AHR: variants seen among roughly 807,000 people sequenced by gnomAD.
AHR encodes AH-receptor.
A neutral mutation model predicts 86.8 loss-of-function variants in AHR; 40 were observed. The ratio of observed to expected loss-of-function variants is 0.46; its 90% CI spans 0.36 to 0.60. AHR has a LOEUF of 0.60. AHR is among the 20% of genes least tolerant of loss of function. The probability of loss-of-function intolerance (pLI) is 0.00; values close to 1 mark genes in which losing one functional copy is unlikely to be tolerated. For synonymous variants in AHR, 398 were observed against 354.9 expected, an observed-to-expected ratio of 1.12 and a Z score of -1.37; for missense variants, 1,001 against 1,011.6, an observed-to-expected ratio of 0.99 and a Z score of 0.14.
At chr7:17,324,375 C>T (rs373175540) in intron 3 of AHR, among the ~76,000 whole-genome samples, 3 of 152,046 alleles carry the variant, frequency 2.0e-5, no homozygotes, top group South Asian at 2.1e-4. Context: ...ATATTGCAAC[C>T]GACGGTTATC....
chr7:17,322,481 T>C lies in AHR; in HGVS notation c.254-20T>C, dbSNP rs1562478213. On this transcript the variant is annotated intron_variant, in intron 2 of 10. Transcript: ENST00000242057. ...CTCTTGCTTACTTTTAAAATCATTG[T>C]TTTTCCTTTTTTTCCATAGTTGCAT... 1 of 1,509,328 alleles carries C rather than the reference T, an allele frequency of 6.6e-7. No individual in the cohort carries two copies. Among genetic ancestry groups the C allele is most frequent in the African/African-American group, 1.4e-5 (1 of 72,206 alleles). The allele number at this position is 1,509,328 out of a possible 1,614,324, so 93.5% of individuals were successfully genotyped here.
At position 17,342,985 on chromosome 7, in the gene AHR, C is replaced by G. The variant is rs778254522; in HGVS notation, c.2468C>G (p.Thr823Ser). ...TTAAATAACATAAATAACACTCAGA[C>G]TACCACACATCTTCAGCCACTTCAT... ...AELNNINNTQ[T>S]TTHLQPLHHP... The change falls in exon 11 of 11, where the codon ACT (threonine) becomes AGT (serine). Residue 823 changes from threonine (T) to serine (S), a missense_variant. Transcript: ENST00000242057. 2 of 1,613,388 alleles carry G rather than the reference C, an allele frequency of 1.2e-6. No homozygotes were observed. Among genetic ancestry groups the G allele is most frequent in the East Asian group, 2.2e-5 (1 of 44,856 alleles).
At chr7:17,316,643 T>C (rs1466445099) in intron 2 of AHR, among the ~76,000 whole-genome samples, 2 of 152,128 alleles carry the variant, frequency 1.3e-5, no homozygotes, top group Non-Finnish European at 2.9e-5. Context: ...TCTGATGGGA[T>C]TGGTTGACAT....
At chr7:17,320,393 A>G (rs1487172395) in intron 2 of AHR, among the ~76,000 whole-genome samples, 2 of 152,042 alleles carry the variant, frequency 1.3e-5, no homozygotes, top group South Asian at 2.1e-4. Flanking sequence ...ATCTCTTAAT[A>G]TTTATGTTTT....
At chr7:17,327,364 G>C (rs1782240299) in intron 3 of AHR, among the ~76,000 whole-genome samples, 1 of 151,876 alleles carries the variant, frequency 6.6e-6, no homozygotes, top group African/African-American at 2.4e-5. Context: ...TTCTATTAAT[G>C]TTCCCAGTTT....
chr7:17,342,099 T>G (rs1782432081), intron 10 of AHR, among the ~76,000 whole-genome samples: 1 of 152,140 alleles, frequency 6.6e-6, no homozygotes, highest in African/African-American at 2.4e-5. Flanking sequence ...AAGCCAGTTA[T>G]GTAGGCTTTA....
intron 2 of AHR, among the ~76,000 whole-genome samples, chr7:17,320,265 C>T (rs1782155276): frequency 6.6e-6 from 1 of 151,954 alleles, no homozygotes; most frequent in South Asian, 2.1e-4. Context: ...GGGTCTGACT[C>T]AAGTGTCTAA....
At chr7:17,341,708 T>G (rs1029694099) in intron 10 of AHR, among the ~76,000 whole-genome samples, 10 of 152,216 alleles carry the variant, frequency 6.6e-5, no homozygotes, top group Admixed American at 3.9e-4. Context: ...CTTTTATTAT[T>G]GATTTCATGT....
At chr7:17,302,432 A>G (rs1029006748) in intron 1 of AHR, among the ~76,000 whole-genome samples, 3 of 152,066 alleles carry the variant, frequency 2.0e-5, no homozygotes, top group Admixed American at 2.0e-4. Flanking sequence ...TATTACTTAC[A>G]TAATACTCAT....
chr7:17,335,603 G>C, intron 8 of AHR, 42 bp from the exon 9 acceptor site: 1 of 1,498,332 alleles, frequency 6.7e-7, no homozygotes, highest in Non-Finnish European at 9.0e-7. Context: ...TTACTATATT[G>C]ATTTGGGGGT....
At chr7:17,324,085 CAAT>C (rs1782203150) in intron 3 of AHR, among the ~76,000 whole-genome samples, 1 of 152,066 alleles carries the variant, frequency 6.6e-6, no homozygotes, top group East Asian at 1.9e-4. Flanking sequence ...AACAGAATAA[CAAT>C]AATATGAATG....
At chr7:17,328,601 T>C (rs1481829314) in intron 4 of AHR, among the ~76,000 whole-genome samples, 1 of 151,932 alleles carries the variant, frequency 6.6e-6, no homozygotes, top group Non-Finnish European at 1.5e-5. Flanking sequence ...GTGAGCCCCA[T>C]TGTCAGATAT....
intron 2 of AHR, among the ~76,000 whole-genome samples, chr7:17,318,218 AT>A (rs372818941): frequency 6.6e-6 from 1 of 151,724 alleles, no homozygotes; most frequent in Non-Finnish European, 1.5e-5. Flanking sequence ...TTCCTCATGA[AT>A]TTTTTTTTCC....
intron 2 of AHR, among the ~76,000 whole-genome samples, chr7:17,314,906 TG>T (rs1406938860): frequency 6.6e-6 from 1 of 152,038 alleles, no homozygotes; most frequent in African/African-American, 2.4e-5. Flanking sequence ...AAAGTAGGTT[TG>T]TTTGCATAAC....
At chr7:17,308,730 C>CAT (rs942390985) in intron 1 of AHR, among the ~76,000 whole-genome samples, 6 of 151,654 alleles carry the variant, frequency 4.0e-5, no homozygotes, top group African/African-American at 1.5e-4. Context: ...CACACACACA[C>CAT]ATCATTTTAC....
chr7:17,316,302 G>C (rs1007589568), intron 2 of AHR, among the ~76,000 whole-genome samples: 5 of 152,188 alleles, frequency 3.3e-5, no homozygotes, highest in Admixed American at 6.6e-5. Flanking sequence ...AAGCCATTCA[G>C]TTGTTAGCAG....
Position 17,320,280 on chromosome 7 carries a change from A to G in AHR, c.254-2221A>G, listed in dbSNP as rs188698575. On this transcript the variant is annotated intron_variant, in intron 2 of 10. Coordinates refer to ENST00000242057, the MANE Select transcript of AHR (RefSeq NM_001621.5). The stretch of plus-strand genomic sequence containing the variant: ...GGGTCTGACTCAAGTGTCTAATTAC[A>G]TTGGCTAATACTCCCAGTACAAGCC... Among the ~76,000 whole-genome samples, 577 of 152,128 alleles carry G rather than the reference A, an allele frequency of 3.8e-3. 3 individuals are homozygous for G. The highest frequency in any genetic ancestry group is 3.7e-3 in the Admixed American group (56 of 15,262).
rs1177146946 is a variant in AHR at position 17,330,863 on chromosome 7, C to G, written c.682C>G (p.Leu228Val). The G allele has an allele frequency of 6.2e-7, 1 of 1,611,964 alleles. No individual in the cohort carries two copies. The highest frequency in any genetic ancestry group is 2.2e-5 in the East Asian group (1 of 44,838). Residue 228 changes from leucine (L) to valine (V), a missense_variant, in exon 6 of 11, where the codon CTG becomes GTG. Leu to Val is a conservative substitution (Grantham distance 32). This residue lies in a region of AHR where 394 missense variants were observed against 468.5 expected (regional missense o/e 0.84). Transcript: ENST00000242057. The part of the protein sequence containing the change: ...RCFICRLRCL[L>V]DNSSGFLAMN... ...CTTCATATGTCGTCTAAGGTGTCTG[C>G]TGGATAATTCATCTGGTTTTCTGGT...
chr7:17,329,737 G>A (rs1782266068), intron 4 of AHR: 1 of 340,894 alleles, frequency 2.9e-6, no homozygotes, highest in Non-Finnish European at 5.4e-6. Flanking sequence ...GGGAACTGAT[G>A]ACAAGTAACT....
Sources: gnomAD v4.1 joint callset for allele counts (sites outside exome capture counted in the v4.1 genomes callset) on GRCh38, gnomAD v4.1.1 for gene constraint, gnomAD v4.1.1 regional missense constraint, MANE v1.5 for transcripts, NCBI Gene and HGNC (gene_info 2026-07-23, HGNC 2026-07-21) for gene names.